Variants in RBFOX2 observed in about 807,000 individuals in gnomAD.
RBFOX2 encodes the protein RNA binding fox-1 homolog 2.
RBFOX2 carries 10 observed loss-of-function variants against 49.1 expected under a neutral mutation model. The ratio of observed to expected loss-of-function variants is 0.20; its 90% CI spans 0.13 to 0.35. The LOEUF (loss-of-function observed/expected upper bound fraction) is 0.35. RBFOX2 is among the 10% of genes least tolerant of loss of function. RBFOX2 has a pLI of 1.00. For synonymous variants in RBFOX2, 183 were observed against 187.4 expected (o/e 0.98, Z 0.19); for missense variants, 323 against 486.9 (o/e 0.66, Z 3.17).
At chr22:36,012,949 A>C (rs1409443795) in intron 1 of RBFOX2, among the ~76,000 whole-genome samples, 1 of 151,978 alleles carries the variant, frequency 6.6e-6, no homozygotes, top group African/African-American at 2.4e-5. Flanking sequence ...TATTTTTAGT[A>C]GAGATGGGGT....
intron 1 of RBFOX2, among the ~76,000 whole-genome samples, chr22:36,009,677 C>T (rs1408537219): frequency 2.0e-5 from 3 of 152,228 alleles, no homozygotes; most frequent in Non-Finnish European, 4.4e-5. Context: ...GCATGAGCCA[C>T]TGTGCCCAGA....
chr22:35,872,643 C>T (rs546957469), intron 1 of RBFOX2, among the ~76,000 whole-genome samples: 42 of 152,342 alleles, frequency 2.8e-4, no homozygotes, highest in African/African-American at 8.9e-4. Flanking sequence ...TTGTCCCACC[C>T]GTCAATGGCC....
intron 1 of RBFOX2, among the ~76,000 whole-genome samples, chr22:35,951,643 C>T (rs748093807): frequency 6.6e-6 from 1 of 152,084 alleles, no homozygotes; most frequent in Non-Finnish European, 1.5e-5. Context: ...AAAAAAAATG[C>T]TGACAGCTAC....
At chr22:35,816,066 GT>G (rs1319750671) in intron 1 of RBFOX2, among the ~76,000 whole-genome samples, 1 of 151,950 alleles carries the variant, frequency 6.6e-6, no homozygotes, top group Admixed American at 6.6e-5. Context: ...TCTAGGATCC[GT>G]TTTTTTAAAA....
chr22:35,884,231 A>G (rs1410458974), intron 1 of RBFOX2, among the ~76,000 whole-genome samples: 4 of 152,078 alleles, frequency 2.6e-5, no homozygotes, highest in Non-Finnish European at 5.9e-5. Context: ...TCCTGGGCTC[A>G]AGCGATCCGC....
intron 2 of RBFOX2, among the ~76,000 whole-genome samples, chr22:35,782,049 A>C (rs1462812430): frequency 6.6e-6 from 1 of 152,244 alleles, no homozygotes; most frequent in East Asian, 1.9e-4. Context: ...GAGATACATT[A>C]GGATCTGAAG....
In RBFOX2 at chr22:35,747,744, C is replaced by T. The variant is rs139662352; in HGVS notation, c.888-1183G>A. On this transcript the variant is annotated intron_variant, in intron 9 of 11. Transcript: ENST00000405409. ...AAACAACTATGTTCAACTGGCCCAA[C>T]TGAACATCATTTCAGTAGTGAACAA... 208 of 152,338 alleles carry T rather than the reference C, an allele frequency of 1.4e-3. 1 individual carries two copies. The highest frequency in any genetic ancestry group is 4.6e-3 in the African/African-American group (191 of 41,584). 9.4% of individuals were successfully genotyped at this position (152,338 alleles called of 1,614,324 possible).
chr22:35,943,039 A>G (rs1003850272), upstream of RBFOX2, among the ~76,000 whole-genome samples: 7 of 152,250 alleles, frequency 4.6e-5, no homozygotes, highest in African/African-American at 1.7e-4. Context: ...TGATTTGCTC[A>G]TAATCAAATA....
At chr22:35,877,682 C>T (rs2045316833) in intron 1 of RBFOX2, among the ~76,000 whole-genome samples, 1 of 152,156 alleles carries the variant, frequency 6.6e-6, no homozygotes, top group Non-Finnish European at 1.5e-5. Context: ...GTCATTCAGA[C>T]AGAATGCATC....
rs568342658 is a variant in RBFOX2, at chr22:36,013,732, A to G, written c.186+14508T>C. 2.6e-5 allele frequency among the ~76,000 whole-genome samples: 4 copies of G among 152,232 alleles called. No homozygotes were observed. The East Asian group carries it at 7.7e-4, about 29-fold the overall frequency. ...TGAAAAAGTAGCCTCTGATATAGGA[A>G]ATGGAGAAAAGCAAGGAGCAAAAAA... is the stretch of plus-strand genomic sequence containing the variant. On this transcript the variant is annotated intron_variant, in intron 1 of 13. Coordinates refer to the RBFOX2 transcript ENST00000438146.
chr22:35,764,119 T>A (rs1250408694), intron 6 of RBFOX2, among the ~76,000 whole-genome samples: 1 of 151,948 alleles, frequency 6.6e-6, no homozygotes, highest in Admixed American at 6.6e-5. Context: ...ATAAAAGGAG[T>A]AAGGAAAAAT....
intron 1 of RBFOX2, among the ~76,000 whole-genome samples, chr22:35,909,500 C>T (rs1367145665): frequency 6.6e-6 from 1 of 152,062 alleles, no homozygotes; most frequent in Non-Finnish European, 1.5e-5. Flanking sequence ...GGTAATACAA[C>T]AATTTTAAAA....
chr22:35,924,140 T>A (rs1043613988), intron 1 of RBFOX2, among the ~76,000 whole-genome samples: 1 of 152,208 alleles, frequency 6.6e-6, no homozygotes, highest in Non-Finnish European at 1.5e-5. Context: ...ATACAGTGCC[T>A]GCACATAGTC....
intron 6 of RBFOX2, 122 bp downstream of exon 7, chr22:35,765,301 G>C: frequency 1.5e-6 from 1 of 683,758 alleles, no homozygotes. Flanking sequence ...CCCAGGTAAA[G>C]AGACTACTTC....
intron 4 of RBFOX2, among the ~76,000 whole-genome samples, chr22:35,770,470 G>A (rs993588842): frequency 6.6e-6 from 1 of 152,034 alleles, no homozygotes; most frequent in Non-Finnish European, 1.5e-5. Flanking sequence ...ATATAACCAT[G>A]AAGTAAAAAG....
At chr22:35,966,767 T>G (rs1360610266) in intron 1 of RBFOX2, among the ~76,000 whole-genome samples, 1 of 152,166 alleles carries the variant, frequency 6.6e-6, no homozygotes, top group Admixed American at 6.6e-5. Context: ...TACAAATACT[T>G]TCTCCTACTT....
chr22:35,973,283 A>G (rs1291727674), intron 1 of RBFOX2, among the ~76,000 whole-genome samples: 2 of 152,208 alleles, frequency 1.3e-5, no homozygotes, highest in Non-Finnish European at 2.9e-5. Context: ...ATAAATCTGA[A>G]GATTATATTT....
upstream of RBFOX2, among the ~76,000 whole-genome samples, chr22:35,841,637 T>C (rs896130322): frequency 1.8e-4 from 28 of 152,314 alleles, no homozygotes; most frequent in African/African-American, 6.7e-4. Context: ...GATATTTTAG[T>C]TATGCTATGT....
intron 1 of RBFOX2, among the ~76,000 whole-genome samples, chr22:35,894,993 GAA>G (rs941918213): frequency 4.2e-5 from 6 of 142,050 alleles, no homozygotes; most frequent in African/African-American, 1.5e-4. Flanking sequence ...AAAAAAAAAA[GAA>G]AAGACTGGTC....
Sources: gnomAD v4.1 joint callset for allele counts (sites outside exome capture counted in the v4.1 genomes callset) on GRCh38, gnomAD v4.1.1 for gene constraint, MANE v1.5 for transcripts, NCBI Gene and HGNC (gene_info 2026-07-23, HGNC 2026-07-21) for gene names.